The following KCNK9 variants were observed in gnomAD, a reference collection of about 807,000 sequenced individuals.
KCNK9 encodes the protein potassium two pore domain channel subfamily K member 9.
KCNK9 carries 1 observed loss-of-function variant against 10.8 expected under a neutral mutation model. The observed-to-expected ratio is 0.09, with a 90% CI of 0.03 to 0.44. KCNK9 has a LOEUF of 0.44. KCNK9 is among the 20% of genes least tolerant of loss of function. KCNK9 has a pLI of 0.97. For synonymous variants in KCNK9, 231 were observed against 222.7 expected (o/e 1.04, Z -0.33); for missense variants, 303 against 515.0 (o/e 0.59, Z 3.98).
intron 2 of KCNK9, among the ~76,000 whole-genome samples, chr8:139,605,796 T>A (rs778473631): frequency 2.0e-5 from 3 of 152,232 alleles, no homozygotes; most frequent in Non-Finnish European, 4.4e-5. Context: ...AAGTTACATA[T>A]TCTACATGGG....
At chr8:139,687,561 T>TAC (rs1438512726) in intron 1 of KCNK9, among the ~76,000 whole-genome samples, 1,706 of 98,162 alleles carry the variant, frequency 0.017, 81 homozygotes, top group African/African-American at 0.042. Context: ...TATATATGTA[T>TAC]ACATATATTC....
intron 1 of KCNK9, among the ~76,000 whole-genome samples, chr8:139,630,986 G>A (rs561640748): frequency 2.0e-5 from 3 of 152,336 alleles, no homozygotes; most frequent in African/African-American, 7.2e-5. Context: ...TGTGCCTCAG[G>A]GGCTCCGCTC....
intron 1 of KCNK9, among the ~76,000 whole-genome samples, chr8:139,622,114 A>G (rs959540639): frequency 9.2e-5 from 14 of 152,186 alleles, no homozygotes; most frequent in Non-Finnish European, 1.8e-4. Flanking sequence ...GAACTTGATC[A>G]TTGACACACC....
At chr8:139,676,902 A>G (rs1316142908) in intron 1 of KCNK9, among the ~76,000 whole-genome samples, 3 of 152,194 alleles carry the variant, frequency 2.0e-5, no homozygotes, top group African/African-American at 7.2e-5. Flanking sequence ...CAGTGGGCTA[A>G]GATTGTGCCA....
chr8:139,649,207 T>C (rs1220060852), intron 1 of KCNK9, among the ~76,000 whole-genome samples: 1 of 152,218 alleles, frequency 6.6e-6, no homozygotes. Flanking sequence ...ATTATCCTTT[T>C]TCACTGTAAC....
In KCNK9 at chr8:139,636,613, C is replaced by T. The variant is rs374531916; in HGVS notation, c.284-17514G>A. ...TTAGCCAACTTCCAGAAGGGCAGAG[C>T]GAGGACCCCCAGGAACTCAACTCTT... On this transcript the variant is annotated intron_variant, in intron 1 of 1. Transcript: ENST00000520439. Among the ~76,000 whole-genome samples the T allele has an allele frequency of 4.6e-5, 7 of 152,172 alleles. No individual in the cohort carries two copies. The East Asian group carries it at 9.6e-4, about 21-fold the overall frequency.
At chr8:139,626,195 CTG>C (rs1217726780) in intron 1 of KCNK9, among the ~76,000 whole-genome samples, 1 of 152,206 alleles carries the variant, frequency 6.6e-6, no homozygotes, top group Non-Finnish European at 1.5e-5. Context: ...CAAGAGCTGT[CTG>C]TGGCTCCCCA....
intron 1 of KCNK9, among the ~76,000 whole-genome samples, chr8:139,668,861 A>T (rs771765347): frequency 6.6e-6 from 1 of 152,140 alleles, no homozygotes. Flanking sequence ...TTTCTCTTTA[A>T]TCTGAGGCTC....
chr8:139,662,448 C>T lies in KCNK9; in HGVS notation c.283+40262G>A, dbSNP rs560386414. ...AGCTGTACATGGCATCGACCCTGCTCTCTAGTGGCAGCTGTATTCATAAGA... is the reference window on the plus strand; with the variant it reads ...AGCTGTACATGGCATCGACCCTGCTTTCTAGTGGCAGCTGTATTCATAAGA... On this transcript the variant is annotated intron_variant, in intron 1 of 1. Transcript: ENST00000520439. 2.6e-5 allele frequency among the ~76,000 whole-genome samples: 4 copies of T among 152,272 alleles called. No homozygotes were observed. The East Asian group carries it at 7.7e-4, about 29-fold the overall frequency.
At chr8:139,645,967 A>G (rs1256298816) in intron 1 of KCNK9, among the ~76,000 whole-genome samples, 2 of 151,954 alleles carry the variant, frequency 1.3e-5, no homozygotes, top group Non-Finnish European at 2.9e-5. Context: ...AGTGCCCCAC[A>G]CCCATCCTGT....
intron 1 of KCNK9, among the ~76,000 whole-genome samples, chr8:139,656,335 C>G (rs1816019601): frequency 6.6e-6 from 1 of 152,206 alleles, no homozygotes; most frequent in Admixed American, 6.5e-5. Flanking sequence ...TTTGGCCCCT[C>G]CAGCCCACAT....
intron 1 of KCNK9, among the ~76,000 whole-genome samples, chr8:139,632,161 C>G (rs531784143): frequency 1.3e-5 from 2 of 152,296 alleles, no homozygotes; most frequent in East Asian, 3.9e-4. Context: ...GCCCATTCTG[C>G]ATGGGAGGTA....
intron 1 of KCNK9, among the ~76,000 whole-genome samples, chr8:139,648,544 G>C (rs1325373981): frequency 6.6e-6 from 1 of 152,206 alleles, no homozygotes; most frequent in Non-Finnish European, 1.5e-5. Flanking sequence ...CTGAGAATGG[G>C]CCACTAGCCC....
At chr8:139,614,260 G>A (rs548416585), downstream of KCNK9, among the ~76,000 whole-genome samples, 9 of 152,304 alleles carry the variant, frequency 5.9e-5, no homozygotes, top group African/African-American at 1.2e-4. Flanking sequence ...AAGGCCCTGT[G>A]CACAGATAAG....
chr8:139,664,954 G>A (rs559753539), intron 1 of KCNK9, among the ~76,000 whole-genome samples: 3 of 152,064 alleles, frequency 2.0e-5, no homozygotes, highest in Non-Finnish European at 2.9e-5. Flanking sequence ...TGAGGGATCT[G>A]GGGGGGATGT....
At chr8:139,698,237 T>A (rs1415397383) in intron 1 of KCNK9, among the ~76,000 whole-genome samples, 1 of 151,832 alleles carries the variant, frequency 6.6e-6, no homozygotes, top group African/African-American at 2.4e-5. Flanking sequence ...GGGAGGTGAG[T>A]GCATGCGTGT....
chr8:139,688,613 G>C (rs908622534), intron 1 of KCNK9, among the ~76,000 whole-genome samples: 2 of 152,100 alleles, frequency 1.3e-5, no homozygotes, highest in Admixed American at 1.3e-4. Flanking sequence ...ATTTGGGTGG[G>C]GACACAGAGC....
chr8:139,656,193 A>C (rs908173136), intron 1 of KCNK9, among the ~76,000 whole-genome samples: 1 of 152,134 alleles, frequency 6.6e-6, no homozygotes, highest in South Asian at 2.1e-4. Flanking sequence ...CCCAGATCCA[A>C]GTGGCAGCTG....
chr8:139,677,452 T>G (rs1216505329), intron 1 of KCNK9, among the ~76,000 whole-genome samples: 1 of 152,132 alleles, frequency 6.6e-6, no homozygotes, highest in Non-Finnish European at 1.5e-5. Flanking sequence ...CCAGCTCGCC[T>G]GGGCTGCTGG....
Sources: allele counts gnomAD v4.1 joint callset (sites outside exome capture counted in the v4.1 genomes callset), GRCh38; gene constraint gnomAD v4.1.1; transcripts MANE v1.5; gene names NCBI Gene and HGNC (gene_info 2026-07-23, HGNC 2026-07-21).